Variants in AHCYL2 observed in about 807,000 individuals in gnomAD.
AHCYL2 encodes S-adenosylhomocysteine hydrolase-like protein 2.
Under a neutral mutation model 81.4 loss-of-function variants are expected in AHCYL2, and 28 were observed. That is an observed-to-expected ratio of 0.34 (90% confidence interval 0.25 to 0.47). The LOEUF is 0.47. Among genes scored for constraint, AHCYL2 ranks in the 20% least tolerant of loss-of-function variants. AHCYL2 has a pLI of 1.00. For missense variants in AHCYL2, 551 were observed against 785.1 expected (o/e 0.70, Z 3.56); for synonymous variants, 272 against 290.2 (o/e 0.94, Z 0.64).
intron 1 of AHCYL2, among the ~76,000 whole-genome samples, chr7:129,309,896 C>T (rs1797590580): frequency 6.6e-6 from 1 of 152,096 alleles, no homozygotes; most frequent in African/African-American, 2.4e-5. Flanking sequence ...TAATCTCTGT[C>T]TCATTGTCAT....
intron 1 of AHCYL2, among the ~76,000 whole-genome samples, chr7:129,274,063 G>A (rs2150731833): frequency 6.6e-6 from 1 of 152,252 alleles, no homozygotes; most frequent in African/African-American, 2.4e-5. Flanking sequence ...CATTCTCAAG[G>A]TGTAGGACTT....
At position 129,299,369 on chromosome 7, in the gene AHCYL2, G is replaced by GTTTTTTTTTT. The variant is rs71162592; in HGVS notation, c.363+73963_363+73972dup. ...AGGCTGAGGTGGGAGAGTCCAACTT[G>GTTTTTTTTTT]TTTTTTTTTTTTTTTTTTTTTTTTT... is the stretch of plus-strand genomic sequence containing the variant. On this transcript the variant is annotated intron_variant, in intron 1 of 16. Coordinates refer to ENST00000325006, the MANE Select transcript of AHCYL2 (RefSeq NM_015328.4). Among the ~76,000 whole-genome samples, 21 of 46,306 alleles carry GTTTTTTTTTT rather than the reference G, an allele frequency of 4.5e-4. 1 individual carries two copies. Among genetic ancestry groups the GTTTTTTTTTT allele is most frequent in the East Asian group, 1.8e-3 (2 of 1,104 alleles). The allele number at this position is 46,306 out of a possible 152,430, so 30.4% of individuals were successfully genotyped here. A position where few individuals can be genotyped will look rare whatever the true frequency, so the allele number is the denominator to read the frequency against.
At chr7:129,350,024 A>G (rs1309892551) in intron 1 of AHCYL2, among the ~76,000 whole-genome samples, 1 of 152,226 alleles carries the variant, frequency 6.6e-6, no homozygotes, top group Non-Finnish European at 1.5e-5. Flanking sequence ...CAACTCAATT[A>G]CTCAGAAACA....
intron 7 of AHCYL2, 96 bp downstream of exon 7, chr7:129,403,581 G>A: frequency 1.2e-6 from 1 of 842,896 alleles, no homozygotes; most frequent in Non-Finnish European, 1.7e-6. Context: ...ATTGGAGCCT[G>A]GGCCAGGCGC....
intron 1 of AHCYL2, among the ~76,000 whole-genome samples, chr7:129,248,753 G>C (rs559336797): frequency 1.3e-5 from 2 of 151,638 alleles, no homozygotes; most frequent in African/African-American, 4.8e-5. Flanking sequence ...TGAATCTGTA[G>C]GTCAATTCGG....
At chr7:129,354,664 C>G (rs966903246) in intron 1 of AHCYL2, among the ~76,000 whole-genome samples, 1 of 152,226 alleles carries the variant, frequency 6.6e-6, no homozygotes, top group Non-Finnish European at 1.5e-5. Context: ...CTGGTTAACA[C>G]TACAATGTCA....
rs957314333 is a variant in AHCYL2, at chr7:129,368,419, G to A, written c.364-11219G>A. The A allele has an allele frequency of 1.1e-5, 17 of 1,611,692 alleles. No homozygotes were observed. The highest frequency in any genetic ancestry group is 1.3e-5 in the African/African-American group (1 of 74,866). On this transcript the variant is annotated intron_variant, in intron 1 of 16. Coordinates refer to ENST00000325006, the MANE Select transcript of AHCYL2 (RefSeq NM_015328.4). This position sits in a 1 kb window ranked among gnomAD's most constrained non-coding sequence, Gnocchi z 4.4. ...CTCACTAGGGTTGGGTCTGCTTTGG[G>A]GCACTCAGATAACCCCAGTATTTCC...
chr7:129,272,880 A>G lies in AHCYL2; in HGVS notation c.363+47441A>G, dbSNP rs1043878602. On this transcript the variant is annotated intron_variant, in intron 1 of 16. Transcript: ENST00000325006. ...GAAAATAAAACTTTTTCTCATCTCT[A>G]GTTGCTTCAAATGGCCAATGACTTT... is the stretch of plus-strand genomic sequence containing the variant. Among the ~76,000 whole-genome samples the G allele has an allele frequency of 2.6e-5, 4 of 152,028 alleles. No homozygotes were observed. The South Asian group carries it at 8.3e-4, about 32-fold the overall frequency.
At chr7:129,367,300 T>C (rs1794159250) in intron 1 of AHCYL2, among the ~76,000 whole-genome samples, 2 of 152,330 alleles carry the variant, frequency 1.3e-5, no homozygotes, top group South Asian at 2.1e-4. Flanking sequence ...GTCCTGGTCC[T>C]TAAAGGGACC....
intron 1 of AHCYL2, among the ~76,000 whole-genome samples, chr7:129,282,390 A>G (rs1413197898): frequency 6.6e-6 from 1 of 151,786 alleles, no homozygotes; most frequent in East Asian, 1.9e-4. Flanking sequence ...CCCAGAATTC[A>G]CTCATGGTCT....
intron 1 of AHCYL2, among the ~76,000 whole-genome samples, chr7:129,247,239 A>C (rs887725706): frequency 6.6e-6 from 1 of 152,230 alleles, no homozygotes; most frequent in Non-Finnish European, 1.5e-5. Flanking sequence ...AATACTTGGC[A>C]TTGTCAGTCT....
chr7:129,400,152 C>T lies in AHCYL2; in HGVS notation c.824-138C>T, dbSNP rs185757869. Reference sequence around the variant, plus strand: ...TAAAGGGGCTGAAGGCAACGCCAATCAGTGAAGAATGTCAATCCAAGGAGT... The same window carrying T: ...TAAAGGGGCTGAAGGCAACGCCAATTAGTGAAGAATGTCAATCCAAGGAGT... On this transcript the variant is annotated intron_variant, in intron 5 of 16. Transcript: ENST00000325006. The T allele has an allele frequency of 7.8e-4, 525 of 676,462 alleles. 1 individual carries two copies. Among genetic ancestry groups the T allele is most frequent in the Non-Finnish European group, 1.0e-3 (412 of 396,532 alleles). The allele number at this position is 676,462 out of a possible 1,614,324, so 41.9% of individuals were successfully genotyped here. A position where few individuals can be genotyped will look rare whatever the true frequency, so the allele number is the denominator to read the frequency against.
intron 7 of AHCYL2, among the ~76,000 whole-genome samples, chr7:129,404,197 A>G (rs1281513417): frequency 6.6e-6 from 1 of 152,154 alleles, no homozygotes; most frequent in Non-Finnish European, 1.5e-5. Flanking sequence ...CAGTAGACAA[A>G]ACAGACAGAA....
chr7:129,234,715 C>A (rs191008965), intron 1 of AHCYL2, among the ~76,000 whole-genome samples: 1 of 152,182 alleles, frequency 6.6e-6, no homozygotes, highest in East Asian at 1.9e-4. Flanking sequence ...AGGCTGGCCT[C>A]GAATTCCTCG....
intron 11 of AHCYL2, among the ~76,000 whole-genome samples, chr7:129,411,086 T>C (rs1385308033): frequency 1.3e-5 from 2 of 151,984 alleles, no homozygotes; most frequent in Non-Finnish European, 2.9e-5. Flanking sequence ...TTTTTTTTAA[T>C]TGCTTTTTTG....
At chr7:129,303,463 C>T (rs895213554) in intron 1 of AHCYL2, among the ~76,000 whole-genome samples, 1 of 152,144 alleles carries the variant, frequency 6.6e-6, no homozygotes, top group African/African-American at 2.4e-5. Context: ...TCATAGTAGC[C>T]TCAAATGGTC....
intron 1 of AHCYL2, 21 bp from the exon 2 acceptor site, chr7:129,379,617 A>G (rs937596882): frequency 6.3e-6 from 10 of 1,595,862 alleles, no homozygotes; most frequent in Non-Finnish European, 8.6e-6. Context: ...TTCTTTATAT[A>G]ACTAGGTTTC....
intron 1 of AHCYL2, among the ~76,000 whole-genome samples, chr7:129,254,597 TG>T (rs1349784965): frequency 6.6e-6 from 1 of 152,242 alleles, no homozygotes; most frequent in Non-Finnish European, 1.5e-5. Context: ...GCAATTTTGT[TG>T]AACTAGAGCC....
chr7:129,405,127 G>C lies in AHCYL2; in HGVS notation c.1056G>C (p.Leu352=). The change falls in exon 8 of 17, where the codon CTG becomes CTC. Residue 352 remains leucine, a synonymous_variant. Coordinates refer to ENST00000325006, the MANE Select transcript of AHCYL2 (RefSeq NM_015328.4). ...RLYQLSKAGK[L]CVPAMNVNDS... ...ACCAACTGTCCAAAGCTGGGAAGCT[G>C]TGTGTTCCAGCCATGAATGTCAATG... 6.2e-7 allele frequency: 1 copy of C among 1,605,866 alleles called. No homozygotes were observed. The highest frequency in any genetic ancestry group is 1.1e-5 in the South Asian group (1 of 90,242).
Sources: allele counts gnomAD v4.1 joint callset (sites outside exome capture counted in the v4.1 genomes callset), GRCh38; gene constraint gnomAD v4.1.1; non-coding constraint Gnocchi (gnomAD v3.1); transcripts MANE v1.5; gene names NCBI Gene and HGNC (gene_info 2026-07-23, HGNC 2026-07-21).